N4BP2: variants seen among roughly 807,000 people sequenced by gnomAD.
N4BP2 encodes NEDD4-binding protein 2.
N4BP2 carries 91 observed loss-of-function variants against 152.8 expected under a neutral mutation model. The ratio of observed to expected loss-of-function variants is 0.60; its 90% CI spans 0.50 to 0.71. The LOEUF (loss-of-function observed/expected upper bound fraction) is 0.71. Among genes scored for constraint, N4BP2 ranks in the 30% least tolerant of loss-of-function variants. The pLI is 0.00. For missense variants in N4BP2, 1,923 were observed against 2,059.1 expected (o/e 0.93, Z 1.28); for synonymous variants, 646 against 705.3 (o/e 0.92, Z 1.33).
Position 40,102,541 on chromosome 4 carries a change from A to G in N4BP2, c.696A>G (p.Thr232=), listed in dbSNP as rs770310034. 4 of 1,614,236 alleles carry G rather than the reference A, an allele frequency of 2.5e-6. No individual in the cohort carries two copies. The highest frequency in any genetic ancestry group is 1.7e-5 in the Admixed American group (1 of 60,032). The change falls in exon 4 of 18, where the codon ACA becomes ACG. Residue 232 remains threonine, a synonymous_variant. Coordinates refer to ENST00000261435, the MANE Select transcript of N4BP2 (RefSeq NM_018177.6). ...NESKCFIKDN[T]LALESNYPED... ...CCAAGTGTTTTATAAAGGATAACAC[A>G]TTGGCTTTGGAAAGTAACTACCCGG...
intron 7 of N4BP2, among the ~76,000 whole-genome samples, chr4:40,117,337 C>T (rs1717435724): frequency 6.6e-6 from 1 of 152,160 alleles, no homozygotes; most frequent in Non-Finnish European, 1.5e-5. Flanking sequence ...CAGATTTGCC[C>T]AACTGGCAAA....
chr4:40,110,218 A>G (rs1241585570), intron 5 of N4BP2, among the ~76,000 whole-genome samples: 1 of 152,230 alleles, frequency 6.6e-6, no homozygotes. Context: ...TCTATTCATC[A>G]GTTAATAGAC....
the N4BP2 span, among the ~76,000 whole-genome samples, chr4:40,182,974 G>T: frequency 5.3e-4 from 81 of 152,246 alleles, no homozygotes; most frequent in Non-Finnish European, 8.8e-4. Context: ...ACCATGCGTG[G>T]CCCCATTTAA....
intron 4 of N4BP2, among the ~76,000 whole-genome samples, chr4:40,104,663 A>AC (rs375950840): frequency 1.7e-3 from 259 of 152,330 alleles, no homozygotes; most frequent in African/African-American, 5.8e-3. Context: ...AGTTTGAAGA[A>AC]TAGGTTTCAG....
chr4:40,125,705 G>A (rs1232233626), intron 11 of N4BP2, among the ~76,000 whole-genome samples: 1 of 152,114 alleles, frequency 6.6e-6, no homozygotes, highest in Admixed American at 6.5e-5. Flanking sequence ...GGCCAACATG[G>A]TGAAACCCCC....
chr4:40,133,723 A>G (rs1299970532), intron 13 of N4BP2, among the ~76,000 whole-genome samples: 1 of 152,232 alleles, frequency 6.6e-6, no homozygotes, highest in Admixed American at 6.5e-5. Context: ...ATATACAGAT[A>G]TTCCAAAATT....
At chr4:40,159,881 G>GTTTT (rs374845650), downstream of N4BP2, among the ~76,000 whole-genome samples, 1 of 148,444 alleles carries the variant, frequency 6.7e-6, no homozygotes, top group African/African-American at 2.5e-5. Flanking sequence ...AGTTGTTGTT[G>GTTTT]TTTTTTTTTT....
intron 17 of N4BP2, among the ~76,000 whole-genome samples, chr4:40,153,510 A>G (rs1340110190): frequency 1.3e-5 from 2 of 152,236 alleles, no homozygotes; most frequent in African/African-American, 4.8e-5. Context: ...AGTGATAATT[A>G]TTTAATAACA....
intron 1 of N4BP2, among the ~76,000 whole-genome samples, chr4:40,066,229 C>CTGGTCTGTTTTTGAGTCT (rs2109890023): frequency 6.6e-6 from 1 of 151,502 alleles, no homozygotes; most frequent in East Asian, 1.9e-4. Flanking sequence ...GTGCCCGGCC[C>CTGGTCTGTTTTTGAGTCT]ATTTTTTTCA....
At chr4:40,186,540 C>A in the N4BP2 span, among the ~76,000 whole-genome samples, 1 of 152,304 alleles carries the variant, frequency 6.6e-6, no homozygotes, top group Non-Finnish European at 1.5e-5. Flanking sequence ...TAACAGGCCA[C>A]GGGTGGGTAC....
chr4:40,170,330 G>T, the N4BP2 span, among the ~76,000 whole-genome samples: 1 of 152,046 alleles, frequency 6.6e-6, no homozygotes, highest in African/African-American at 2.4e-5. Flanking sequence ...AAGAGCACAT[G>T]CAGGATGGCC....
chr4:40,134,244 TGA>T (rs902343151), intron 13 of N4BP2, among the ~76,000 whole-genome samples: 8 of 152,222 alleles, frequency 5.3e-5, no homozygotes, highest in African/African-American at 1.9e-4. Context: ...TGCTATTTTC[TGA>T]GAGTTTTGTG....
rs1717927065 is a variant in N4BP2 at position 40,121,651 on chromosome 4, C to T, written c.3540C>T (p.Ser1180=). 1 of 1,613,888 alleles carries T rather than the reference C, an allele frequency of 6.2e-7. No homozygotes were observed. Among genetic ancestry groups the T allele is most frequent in the Admixed American group, 1.7e-5 (1 of 59,978 alleles). The change falls in exon 9 of 18, where the codon AGC becomes AGT. Residue 1180 remains serine (S), a synonymous_variant. Coordinates refer to ENST00000261435, the MANE Select transcript of N4BP2 (RefSeq NM_018177.6). ...ENSNSPVPEF[S]HGIGISNADS... Reference sequence around the variant, plus strand: ...CTAATTCTCCTGTGCCAGAGTTTAGCCATGGGATTGGTATTAGTAACGCTG... The same window carrying T: ...CTAATTCTCCTGTGCCAGAGTTTAGTCATGGGATTGGTATTAGTAACGCTG...
chr4:40,182,840 C>T, the N4BP2 span, among the ~76,000 whole-genome samples: 1 of 152,016 alleles, frequency 6.6e-6, no homozygotes, highest in African/African-American at 2.4e-5. Flanking sequence ...CCACGCCCAG[C>T]TAATGTTTGC....
chr4:40,180,197 C>G, the N4BP2 span, among the ~76,000 whole-genome samples: 410 of 152,198 alleles, frequency 2.7e-3, 2 homozygotes, highest in African/African-American at 9.1e-3. Context: ...TGATATCTTT[C>G]ATATACAAAC....
At chr4:40,058,672 T>C (rs1054712231) in intron 1 of N4BP2, among the ~76,000 whole-genome samples, 1 of 152,182 alleles carries the variant, frequency 6.6e-6, no homozygotes, top group Non-Finnish European at 1.5e-5. Context: ...GCTTAAGTTA[T>C]GGTAGAGGCA....
chr4:40,084,229 G>A (rs138175148), intron 2 of N4BP2, among the ~76,000 whole-genome samples: 33 of 152,314 alleles, frequency 2.2e-4, no homozygotes, highest in African/African-American at 7.9e-4. Flanking sequence ...GGGATTACAG[G>A]CGTGAGCCAC....
chr4:40,127,991 A>C (rs1054994978), intron 12 of N4BP2, among the ~76,000 whole-genome samples: 6 of 152,214 alleles, frequency 3.9e-5, no homozygotes, highest in African/African-American at 1.4e-4. Context: ...AAAATTTTAG[A>C]AACTTATGAG....
chr4:40,102,565 G>T lies in N4BP2; in HGVS notation c.720G>T (p.Pro240=), dbSNP rs769143539. The change falls in exon 4 of 18, where the codon CCG becomes CCT. Residue 240 remains proline, a synonymous_variant. Coordinates refer to ENST00000261435, the MANE Select transcript of N4BP2 (RefSeq NM_018177.6). Reference sequence around the variant, plus strand: ...CATTGGCTTTGGAAAGTAACTACCCGGAAGATTCTCTTCTCAGTAGTTCTT... The same window carrying T: ...CATTGGCTTTGGAAAGTAACTACCCTGAAGATTCTCTTCTCAGTAGTTCTT... ...DNTLALESNY[P]EDSLLSSSLN... 6.2e-7 allele frequency: 1 copy of T among 1,614,088 alleles called. No homozygotes were observed. Among genetic ancestry groups the T allele is most frequent in the Admixed American group, 1.7e-5 (1 of 59,998 alleles).
Sources: gnomAD v4.1 joint callset for allele counts (sites outside exome capture counted in the v4.1 genomes callset) on GRCh38, gnomAD v4.1.1 for gene constraint, MANE v1.5 for transcripts, NCBI Gene and HGNC (gene_info 2026-07-23, HGNC 2026-07-21) for gene names.